Variants in NPLOC4 observed in about 807,000 individuals in gnomAD.
NPLOC4 encodes the protein NPL4 homolog, ubiquitin recognition factor, also known as nuclear protein localization protein 4 homolog.
NPLOC4 carries 18 observed loss-of-function variants against 80.6 expected under a neutral mutation model. The ratio of observed to expected loss-of-function variants is 0.22; its 90% CI spans 0.15 to 0.33. NPLOC4 has a LOEUF of 0.33. Ranked by LOEUF, NPLOC4 falls within the 10% of genes least tolerant of loss-of-function variation. NPLOC4 has a pLI of 1.00. For missense variants in NPLOC4, 540 were observed against 786.1 expected, an observed-to-expected ratio of 0.69 and a Z score of 3.74; for synonymous variants, 313 against 301.5, an observed-to-expected ratio of 1.04 and a Z score of -0.39.
chr17:81,594,274 C>CAAAAAAAAAAAAAAAAAAAAAAA (rs869281063), intron 11 of NPLOC4, among the ~76,000 whole-genome samples: 1 of 53,666 alleles, frequency 1.9e-5, no homozygotes, highest in African/African-American at 9.9e-5. Flanking sequence ...GACTCCGTCT[C>CAAAAAAAAAAAAAAAAAAAAAAA]AAAAAAAAAA....
chr17:81,604,329 G>A (rs1209484013), intron 8 of NPLOC4, among the ~76,000 whole-genome samples: 2 of 152,056 alleles, frequency 1.3e-5, no homozygotes, highest in Non-Finnish European at 2.9e-5. Flanking sequence ...AAATGTACCG[G>A]TTGTGTAAGA....
At position 81,581,375 on chromosome 17, in the gene NPLOC4, A is replaced by AAAAAAAAGTC. The variant is rs1555680405; in HGVS notation, c.1281+7568_1281+7569insGACTTTTTTT. On this transcript the variant is annotated intron_variant, in intron 12 of 16. Coordinates refer to ENST00000331134, the MANE Select transcript of NPLOC4 (RefSeq NM_017921.4). ...AAAAAAAAAAAAAAAAAAAAAAAAA[A>AAAAAAAAGTC]AGTTAATAAAATCACCATGTCACAA... Among the ~76,000 whole-genome samples the AAAAAAAAGTC allele has an allele frequency of 6.8e-3, 495 of 72,844 alleles. 140 individuals are homozygous for AAAAAAAAGTC. The highest frequency in any genetic ancestry group is 0.014 in the African/African-American group (293 of 21,110). The allele number at this position is 72,844 out of a possible 152,430, so 47.8% of individuals were successfully genotyped here. A position where few individuals can be genotyped will look rare whatever the true frequency, so the allele number is the denominator to read the frequency against.
intron 9 of NPLOC4, among the ~76,000 whole-genome samples, chr17:81,598,752 A>C (rs998010453): frequency 2.0e-5 from 3 of 152,076 alleles, no homozygotes; most frequent in Non-Finnish European, 4.4e-5. Context: ...GGCAATTGTC[A>C]CTTCTGTCCT....
At chr17:81,613,546 A>C (rs1418824654) in intron 3 of NPLOC4, 52 bp from the exon 4 acceptor site, 2 of 1,541,042 alleles carry the variant, frequency 1.3e-6, no homozygotes, top group Non-Finnish European at 1.8e-6. Context: ...CCTGAGCTTC[A>C]TGGAAGCCCA....
chr17:81,615,630 T>G (rs1276359960), intron 3 of NPLOC4, among the ~76,000 whole-genome samples: 1 of 152,228 alleles, frequency 6.6e-6, no homozygotes, highest in Non-Finnish European at 1.5e-5. Flanking sequence ...CCACTCTCAG[T>G]AATTCACTCA....
At chr17:81,610,118 C>T (rs572595789) in intron 5 of NPLOC4, 92 bp downstream of exon 5, 104 of 1,156,150 alleles carry the variant, frequency 9.0e-5, no homozygotes, top group Admixed American at 6.3e-4. Context: ...CTCACTACAG[C>T]CAAGTGCGTG....
chr17:81,571,454 T>C (rs1472139778), intron 13 of NPLOC4, among the ~76,000 whole-genome samples: 1 of 152,236 alleles, frequency 6.6e-6, no homozygotes. Flanking sequence ...TTGTGGCTCC[T>C]GGAGTTCCAC....
chr17:81,628,212 TAAAAAAAAAAA>T (rs757542656), intron 2 of NPLOC4, among the ~76,000 whole-genome samples: 2 of 101,588 alleles, frequency 2.0e-5, no homozygotes, highest in African/African-American at 3.8e-5. Context: ...CTCCCTCTCA[TAAAAAAAAAAA>T]GAAAAAAAAA....
At chr17:81,559,954 C>T (rs1394747788) in intron 16 of NPLOC4, among the ~76,000 whole-genome samples, 3 of 150,442 alleles carry the variant, frequency 2.0e-5, no homozygotes. Flanking sequence ...AGGCTGGTCT[C>T]GAACTCCTGA....
intron 16 of NPLOC4, chr17:81,564,105 C>CACACACACACAGACACACACAG: frequency 6.0e-6 from 2 of 334,324 alleles, no homozygotes; most frequent in Non-Finnish European, 1.2e-5. Flanking sequence ...CACACACACA[C>CACACACACACAGACACACACAG]ACACACACAC....
At chr17:81,601,127 T>C (rs1399724723) in intron 8 of NPLOC4, among the ~76,000 whole-genome samples, 2 of 152,190 alleles carry the variant, frequency 1.3e-5, no homozygotes, top group East Asian at 3.8e-4. Flanking sequence ...CCGAAATCAT[T>C]AATGTTCACT....
chr17:81,567,140 G>A lies in NPLOC4; in HGVS notation c.1566+277C>T, dbSNP rs927116067. 2.0e-5 allele frequency among the ~76,000 whole-genome samples: 3 copies of A among 152,240 alleles called. No homozygotes were observed. The highest frequency in any genetic ancestry group is 4.4e-5 in the Non-Finnish European group (3 of 68,040). On this transcript the variant is annotated intron_variant, in intron 15 of 16. Coordinates refer to ENST00000331134, the MANE Select transcript of NPLOC4 (RefSeq NM_017921.4). The surrounding 1 kb of genome is among the most constrained non-coding windows in gnomAD (Gnocchi z 4.5). ...GCTAAATCACCTCTGCTTCCCATTC[G>A]ATTGTAACAGATGAAACCGTACTTC...
At chr17:81,612,655 C>A (rs2035370446) in intron 4 of NPLOC4, 2 of 152,212 alleles carry the variant, frequency 1.3e-5, no homozygotes, top group Non-Finnish European at 2.9e-5. Flanking sequence ...TTCGCTCAGA[C>A]AATTTCACAT....
chr17:81,570,993 G>C (rs1405160398), intron 13 of NPLOC4, among the ~76,000 whole-genome samples: 2 of 152,120 alleles, frequency 1.3e-5, no homozygotes, highest in Non-Finnish European at 2.9e-5. Context: ...GAGAAAGCTG[G>C]TTTTAAATCA....
Position 81,609,616 on chromosome 17 carries a change from T to C in NPLOC4, c.435+594A>G, listed in dbSNP as rs1002889545. 3.9e-5 allele frequency among the ~76,000 whole-genome samples: 6 copies of C among 152,348 alleles called. No individual in the cohort carries two copies. The East Asian group carries it at 1.2e-3, about 29-fold the overall frequency. On this transcript the variant is annotated intron_variant, in intron 5 of 16. Coordinates refer to ENST00000331134, the MANE Select transcript of NPLOC4 (RefSeq NM_017921.4). ...TCACTGCACATAGCCAGAAGCAAGT[T>C]TTTCTTTGTGTGCCAGTTATCTTTT...
chr17:81,573,165 C>T, intron 12 of NPLOC4, among the ~76,000 whole-genome samples: 1 of 152,192 alleles, frequency 6.6e-6, no homozygotes, highest in East Asian at 1.9e-4. Context: ...TAAATCATCA[C>T]TTAACATTAT....
chr17:81,636,925 G>T lies in NPLOC4; in HGVS notation c.6C>A (p.Ala2=). The change falls in exon 1 of 17, where the codon GCC becomes GCA. Residue 2 remains alanine (A), a synonymous_variant. Transcript: ENST00000331134. The part of the protein sequence containing the change: M[A]ESIIIRVQSP... ...CGGCCGCCGCACTCACGATGCTCTC[G>T]GCCATGGCGGCTGCTCCTGCCTCCG... The T allele has an allele frequency of 7.2e-7, 1 of 1,388,196 alleles. No individual in the cohort carries two copies. The highest frequency in any genetic ancestry group is 9.4e-7 in the Non-Finnish European group (1 of 1,066,220). The allele number at this position is 1,388,196 out of a possible 1,614,324, so 86.0% of individuals were successfully genotyped here. A position where few individuals can be genotyped will look rare whatever the true frequency, so the allele number is the denominator to read the frequency against.
rs547915388 is a variant in NPLOC4 at position 81,598,414 on chromosome 17, C to T, written c.922-1098G>A. The stretch of plus-strand genomic sequence containing the variant: ...TGAGTGAAAAAGGCACTTAAACTCC[C>T]AAGAGGAAGACAGACAACAAGCAAG... On this transcript the variant is annotated intron_variant, in intron 9 of 16. Coordinates refer to ENST00000331134, the MANE Select transcript of NPLOC4 (RefSeq NM_017921.4). 8.5e-5 allele frequency among the ~76,000 whole-genome samples: 13 copies of T among 152,236 alleles called. No individual in the cohort carries two copies. The South Asian group carries it at 2.7e-3, about 32-fold the overall frequency.
intron 3 of NPLOC4, among the ~76,000 whole-genome samples, chr17:81,617,998 G>T (rs1358308782): frequency 6.6e-6 from 1 of 152,122 alleles, no homozygotes; most frequent in African/African-American, 2.4e-5. Context: ...GCGTGATCTC[G>T]GCTCGCTACA....
Sources: gnomAD v4.1 joint callset for allele counts (sites outside exome capture counted in the v4.1 genomes callset) on GRCh38, gnomAD v4.1.1 for gene constraint, Gnocchi (gnomAD v3.1) non-coding constraint, MANE v1.5 for transcripts, NCBI Gene and HGNC (gene_info 2026-07-23, HGNC 2026-07-21) for gene names.